The following TERF2 variants were observed in gnomAD, a reference collection of about 807,000 sequenced individuals.
TERF2 encodes the protein telomeric repeat binding factor 2.
TERF2 carries 16 observed loss-of-function variants against 56.1 expected under a neutral mutation model. The observed-to-expected ratio is 0.29, with a 90% CI of 0.19 to 0.43. TERF2 has a LOEUF of 0.43. Ranked by LOEUF, TERF2 falls within the 20% of genes least tolerant of loss-of-function variation. The pLI, the probability that TERF2 is intolerant of heterozygous loss-of-function variation, is 1.00. For missense variants in TERF2, 547 were observed against 712.9 expected (o/e 0.77, Z 2.65); for synonymous variants, 296 against 282.1 (o/e 1.05, Z -0.50).
intron 3 of TERF2, among the ~76,000 whole-genome samples, chr16:69,384,218 GC>G (rs2014105627): frequency 1.3e-5 from 2 of 152,014 alleles, no homozygotes; most frequent in Non-Finnish European, 2.9e-5. Flanking sequence ...ATTTTCCAAG[GC>G]CCCAGTTTAT....
intron 3 of TERF2, 45 bp downstream of exon 3, chr16:69,384,535 C>T (rs1272826082): frequency 6.3e-7 from 1 of 1,598,832 alleles, no homozygotes; most frequent in African/African-American, 1.3e-5. Flanking sequence ...CTCAAAGACC[C>T]TTGATTTTTG....
chr16:69,384,864 C>T (rs2014131928), intron 2 of TERF2, 154 bp from the exon 3 acceptor site: 1 of 675,762 alleles, frequency 1.5e-6, no homozygotes, highest in African/African-American at 1.9e-5. Flanking sequence ...GGTTGACATA[C>T]ACGATAAGGG....
intron 3 of TERF2, among the ~76,000 whole-genome samples, chr16:69,376,070 A>G (rs2013767906): frequency 6.6e-6 from 1 of 152,208 alleles, no homozygotes; most frequent in Admixed American, 6.5e-5. Context: ...ATTTTGATTA[A>G]GTCCTATTCA....
At chr16:69,378,800 CTA>C in intron 3 of TERF2, among the ~76,000 whole-genome samples, 1 of 152,206 alleles carries the variant, frequency 6.6e-6, no homozygotes, top group East Asian at 1.9e-4. Context: ...TATGTTTACT[CTA>C]TGTTCTCCAG....
intron 7 of TERF2, among the ~76,000 whole-genome samples, chr16:69,364,288 C>T (rs2013257624): frequency 6.6e-6 from 1 of 152,138 alleles, no homozygotes. Flanking sequence ...CAGCGGTCTC[C>T]AGTCTCCAGC....
chr16:69,361,265 T>A, intron 8 of TERF2, 139 bp downstream of exon 8: 1 of 655,368 alleles, frequency 1.5e-6, no homozygotes. Flanking sequence ...TGATTCTTCA[T>A]GAATTAAAAT....
At chr16:69,379,725 A>C (rs115730577) in intron 3 of TERF2, among the ~76,000 whole-genome samples, 5,954 of 152,302 alleles carry the variant, frequency 0.039, 391 homozygotes, top group African/African-American at 0.13. Context: ...ACAATAAACT[A>C]ATTACAAGGT....
chr16:69,367,351 G>A, intron 6 of TERF2, 152 bp from the exon 7 acceptor site: 3 of 851,016 alleles, frequency 3.5e-6, no homozygotes, highest in Non-Finnish European at 3.5e-6. Context: ...AAAACTCCAA[G>A]TTAGAGAACC....
chr16:69,361,939 G>T lies in TERF2; in HGVS notation c.1341-450C>A, dbSNP rs1024491707. Among the ~76,000 whole-genome samples, 2 of 150,246 alleles carry T rather than the reference G, an allele frequency of 1.3e-5. 1 individual carries two copies. The highest frequency in any genetic ancestry group is 1.3e-4 in the Admixed American group (2 of 14,946). On this transcript the variant is annotated intron_variant, in intron 7 of 9. Coordinates refer to ENST00000254942, the MANE Select transcript of TERF2 (RefSeq NM_005652.5). Reference sequence around the variant, plus strand: ...GGCGCCTTTCATCAGTATTCCACTAGCCTCTTAACTAGAGTCTCTGCCGCT... The same window carrying T: ...GGCGCCTTTCATCAGTATTCCACTATCCTCTTAACTAGAGTCTCTGCCGCT...
At chr16:69,373,157 G>A (rs1001783235) in intron 3 of TERF2, among the ~76,000 whole-genome samples, 3 of 152,092 alleles carry the variant, frequency 2.0e-5, no homozygotes, top group African/African-American at 7.2e-5. Flanking sequence ...AGAATGAAGG[G>A]ACAACCCCTT....
intron 3 of TERF2, among the ~76,000 whole-genome samples, chr16:69,372,813 G>A (rs1227230748): frequency 6.6e-6 from 1 of 152,098 alleles, no homozygotes; most frequent in East Asian, 1.9e-4. Flanking sequence ...ACCACTGGAA[G>A]CTGTCTCTTT....
At position 69,370,489 on chromosome 16, in the gene TERF2, G is replaced by A; in HGVS notation, c.834C>T (p.Leu278=). The A allele has an allele frequency of 6.2e-7, 1 of 1,614,230 alleles. No individual in the cohort carries two copies. Among genetic ancestry groups the A allele is most frequent in the Non-Finnish European group, 8.5e-7 (1 of 1,180,032 alleles). The change falls in exon 5 of 10, where the codon CTC becomes CTT. Residue 278 remains leucine (L), a synonymous_variant. Coordinates refer to ENST00000254942, the MANE Select transcript of TERF2 (RefSeq NM_005652.5). Reference sequence around the variant, plus strand: ...GAGAAGGGCCAAGGCGCACCGTGAGGAGGTAGGGCTCGGCGTCATCCAGGT... The same window carrying A: ...GAGAAGGGCCAAGGCGCACCGTGAGAAGGTAGGGCTCGGCGTCATCCAGGT... The part of the protein sequence containing the change: ...ESHLDDAEPY[L]LTMAKKALKS...
intron 4 of TERF2, among the ~76,000 whole-genome samples, chr16:69,371,477 G>A (rs2013571937): frequency 6.8e-6 from 1 of 146,942 alleles, no homozygotes; most frequent in Non-Finnish European, 1.5e-5. Context: ...CTCCAGCCCG[G>A]GCAACAGAGC....
chr16:69,361,961 C>T (rs951838500), intron 7 of TERF2, among the ~76,000 whole-genome samples: 6 of 102,156 alleles, frequency 5.9e-5, no homozygotes, highest in East Asian at 2.2e-4. Flanking sequence ...GAGTCTCTGC[C>T]GCTAGGCTCT....
intron 7 of TERF2, among the ~76,000 whole-genome samples, chr16:69,364,525 C>T (rs2013267611): frequency 6.6e-6 from 1 of 151,778 alleles, no homozygotes. Flanking sequence ...ACAGAAATCC[C>T]AGGCCTGGCC....
chr16:69,376,689 A>C (rs955005665), intron 3 of TERF2, among the ~76,000 whole-genome samples: 1 of 133,446 alleles, frequency 7.5e-6, no homozygotes, highest in Non-Finnish European at 1.5e-5. Flanking sequence ...CCCCATCTTT[A>C]CCAAAAAAAA....
intron 3 of TERF2, among the ~76,000 whole-genome samples, chr16:69,382,337 G>A (rs1439602968): frequency 1.3e-5 from 2 of 152,184 alleles, no homozygotes; most frequent in East Asian, 3.8e-4. Flanking sequence ...GAATTTTCCC[G>A]ATCATTAACA....
chr16:69,361,553 G>T, intron 7 of TERF2, 64 bp from the exon 8 acceptor site: 2 of 1,203,996 alleles, frequency 1.7e-6, no homozygotes, highest in Non-Finnish European at 2.5e-6. Context: ...CCCAGATTCT[G>T]GTCTTGGCTC....
At chr16:69,380,633 G>A (rs1419120111) in intron 3 of TERF2, among the ~76,000 whole-genome samples, 2 of 150,460 alleles carry the variant, frequency 1.3e-5, no homozygotes, top group Non-Finnish European at 3.0e-5. Context: ...CTCCAGCCTG[G>A]GCGACAGAGA....
Sources: allele counts gnomAD v4.1 joint callset (sites outside exome capture counted in the v4.1 genomes callset), GRCh38; gene constraint gnomAD v4.1.1; transcripts MANE v1.5; gene names NCBI Gene and HGNC (gene_info 2026-07-23, HGNC 2026-07-21).